POGLUT1: variants seen among roughly 807,000 people sequenced by gnomAD.
POGLUT1 encodes protein O-glucosyltransferase 1.
Under a neutral mutation model 61.3 loss-of-function variants are expected in POGLUT1, and 32 were observed. That is an observed-to-expected ratio of 0.52 (90% confidence interval 0.39 to 0.70). POGLUT1 has a LOEUF of 0.70. Ranked by LOEUF, POGLUT1 falls within the 30% of genes least tolerant of loss-of-function variation. POGLUT1 has a pLI of 0.00. For missense variants in POGLUT1, 411 were observed against 469.8 expected, an observed-to-expected ratio of 0.87 and a Z score of 1.16; for synonymous variants, 158 against 158.2, an observed-to-expected ratio of 1.00 and a Z score of 0.01.
chr3:119,474,447 A>G (rs2081512601), intron 3 of POGLUT1, among the ~76,000 whole-genome samples: 1 of 151,980 alleles, frequency 6.6e-6, no homozygotes, highest in Non-Finnish European at 1.5e-5. Flanking sequence ...TCTCCTCCCC[A>G]TGCCCCACCT....
intron 3 of POGLUT1, chr3:119,471,762 G>A: frequency 2.8e-6 from 1 of 358,958 alleles, no homozygotes; most frequent in Non-Finnish European, 5.3e-6. Context: ...CCTAGCAGGA[G>A]GGAGCTAGGC....
At chr3:119,482,172 A>G (rs2081612564) in intron 5 of POGLUT1, among the ~76,000 whole-genome samples, 1 of 151,772 alleles carries the variant, frequency 6.6e-6, no homozygotes, top group African/African-American at 2.4e-5. Context: ...CCCTTTTCAC[A>G]TTCTTCTTTT....
intron 6 of POGLUT1, among the ~76,000 whole-genome samples, 178 bp from the exon 7 acceptor site, chr3:119,486,655 C>G (rs558532838): frequency 4.5e-4 from 69 of 152,298 alleles, no homozygotes; most frequent in African/African-American, 1.5e-3. Flanking sequence ...GGGACCAGCC[C>G]TGGATGACCT....
Position 119,471,313 on chromosome 3 carries a change from A to G in POGLUT1, c.181A>G (p.Ile61Val). 1.2e-6 allele frequency: 2 copies of G among 1,614,006 alleles called. No homozygotes were observed. Among genetic ancestry groups the G allele is most frequent in the Non-Finnish European group, 1.7e-6 (2 of 1,179,924 alleles). Residue 61 changes from isoleucine (I) to valine (V), a missense_variant, in exon 3 of 11, where the codon ATA (isoleucine) becomes GTA (valine). Coordinates refer to ENST00000295588, the MANE Select transcript of POGLUT1 (RefSeq NM_152305.3). Reference sequence around the variant, plus strand: ...ATGACTCCCATTCTTTCCCAGTGTCATAGAAGAGGATCTAACTCCTTTCCG... The same window carrying G: ...ATGACTCCCATTCTTTCCCAGTGTCGTAGAAGAGGATCTAACTCCTTTCCG... Reference protein sequence around the residue: ...SQNCSCYHGVIEEDLTPFRGG... With the variant: ...SQNCSCYHGVVEEDLTPFRGG...
At chr3:119,472,866 A>G (rs565493489) in intron 3 of POGLUT1, among the ~76,000 whole-genome samples, 71 of 152,338 alleles carry the variant, frequency 4.7e-4, no homozygotes, top group African/African-American at 1.4e-3. Context: ...CCTCATCTCT[A>G]CAAAAAATAC....
chr3:119,478,928 T>G (rs1157990531), intron 4 of POGLUT1, among the ~76,000 whole-genome samples: 1 of 151,042 alleles, frequency 6.6e-6, no homozygotes, highest in Non-Finnish European at 1.5e-5. Flanking sequence ...GGCTTTAAAC[T>G]TTTTTCTTTT....
intron 2 of POGLUT1, among the ~76,000 whole-genome samples, chr3:119,470,431 C>G (rs2081456754): frequency 6.6e-6 from 1 of 152,122 alleles, no homozygotes; most frequent in Admixed American, 6.5e-5. Context: ...CAAAAATTAG[C>G]TGGGCATGAT....
chr3:119,481,458 C>T (rs998894198), intron 5 of POGLUT1, among the ~76,000 whole-genome samples: 2 of 152,196 alleles, frequency 1.3e-5, no homozygotes, highest in Non-Finnish European at 2.9e-5. Flanking sequence ...GGAAAGCAAA[C>T]AATTCAACCT....
At chr3:119,476,526 A>G (rs77316959) in intron 3 of POGLUT1, among the ~76,000 whole-genome samples, 1 of 151,992 alleles carries the variant, frequency 6.6e-6, no homozygotes, top group Non-Finnish European at 1.5e-5. Flanking sequence ...GGCTCAAATA[A>G]CCCTTCTGCC....
At chr3:119,490,497 T>C in intron 8 of POGLUT1, 54 bp from the exon 9 acceptor site, 5 of 1,446,354 alleles carry the variant, frequency 3.5e-6, no homozygotes, top group Non-Finnish European at 4.9e-6. Flanking sequence ...TAAAAGGTCA[T>C]ATTTGTGGCA....
rs2081730630 is a variant in POGLUT1 at position 119,490,538 on chromosome 3, C to T, written c.798-13C>T. 2.5e-6 allele frequency: 4 copies of T among 1,612,348 alleles called. No homozygotes were observed. Among genetic ancestry groups the T allele is most frequent in the South Asian group, 1.1e-5 (1 of 90,740 alleles). On this transcript the variant is annotated splice_polypyrimidine_tract_variant and intron_variant, in intron 8 of 10. Transcript: ENST00000295588. Reference sequence around the variant, plus strand: ...CATATAGTATCAAATGTATTTTGTTCTTTTTTCCCCAGGTATCTGTTTAAT... The same window carrying T: ...CATATAGTATCAAATGTATTTTGTTTTTTTTTCCCCAGGTATCTGTTTAAT...
chr3:119,475,287 T>G (rs951001124), intron 3 of POGLUT1, among the ~76,000 whole-genome samples: 1 of 152,232 alleles, frequency 6.6e-6, no homozygotes, highest in African/African-American at 2.4e-5. Flanking sequence ...TAAGAGTCCA[T>G]AGAGAATGCC....
Position 119,469,884 on chromosome 3 carries a change from A to C in POGLUT1, c.150A>C (p.Ser50=), listed in dbSNP as rs142061881. Residue 50 remains serine, a synonymous_variant, in exon 2 of 11, where the codon TCA becomes TCC. Transcript: ENST00000295588. Reference sequence around the variant, plus strand: ...CTTTGGAGAATTACGAACCATGTTCAAGTCAAAACTGCAGCTGCTACCATG... The same window carrying C: ...CTTTGGAGAATTACGAACCATGTTCCAGTCAAAACTGCAGCTGCTACCATG... ...NRSLENYEPC[S]SQNCSCYHGV... The C allele has an allele frequency of 3.0e-4, 480 of 1,605,678 alleles. 1 individual carries two copies. Among genetic ancestry groups the C allele is most frequent in the Middle Eastern group, 8.2e-4 (5 of 6,068 alleles).
chr3:119,479,844 T>C, intron 4 of POGLUT1: 1 of 1,278,408 alleles, frequency 7.8e-7, no homozygotes, highest in Non-Finnish European at 1.1e-6. Context: ...TGATTCTGAA[T>C]TCTGGAATTC....
At chr3:119,478,444 C>T in intron 4 of POGLUT1, 1 of 456,568 alleles carries the variant, frequency 2.2e-6, no homozygotes, top group Non-Finnish European at 4.4e-6. Context: ...TGTCATGAAA[C>T]TCACTCAGAA....
chr3:119,489,634 T>C (rs1320246599), intron 8 of POGLUT1: 1 of 151,940 alleles, frequency 6.6e-6, no homozygotes, highest in Non-Finnish European at 1.5e-5. Flanking sequence ...TTTGTTTTTT[T>C]TTTTTCCCCT....
At chr3:119,486,992 G>A in intron 7 of POGLUT1, 60 bp downstream of exon 7, 1 of 1,073,354 alleles carries the variant, frequency 9.3e-7, no homozygotes, top group Middle Eastern at 2.0e-4. Flanking sequence ...AAAGAACATT[G>A]CCACCTGGGT....
chr3:119,486,750 C>A (rs947572359), intron 6 of POGLUT1, 83 bp from the exon 7 acceptor site: 1 of 908,530 alleles, frequency 1.1e-6, no homozygotes. Context: ...TGCATTGGGT[C>A]CTAGTCCTGC....
At chr3:119,485,228 A>G in intron 5 of POGLUT1, 100 bp from the exon 6 acceptor site, 3 of 763,506 alleles carry the variant, frequency 3.9e-6, no homozygotes, top group Admixed American at 5.2e-5. Flanking sequence ...AAAAAAAAAA[A>G]GAAATATGAA....
Sources: allele counts gnomAD v4.1 joint callset (sites outside exome capture counted in the v4.1 genomes callset), GRCh38; gene constraint gnomAD v4.1.1; transcripts MANE v1.5; gene names NCBI Gene and HGNC (gene_info 2026-07-23, HGNC 2026-07-21).